The following MPDZ variants were observed in gnomAD, a reference collection of about 807,000 sequenced individuals.
MPDZ encodes the protein multiple PDZ domain protein.
A neutral mutation model predicts 239.1 loss-of-function variants in MPDZ; 234 were observed. That is an observed-to-expected ratio of 0.98 (90% CI 0.88 to 1.09). The LOEUF (loss-of-function observed/expected upper bound fraction) is 1.09. Ranked by LOEUF, MPDZ falls within the 50% of genes least tolerant of loss-of-function variation. The pLI is 0.00. For missense variants in MPDZ, 3,175 were observed against 2,510.0 expected (o/e 1.26, Z -5.66); for synonymous variants, 1,048 against 881.3 (o/e 1.19, Z -3.35).
chr9:13,123,250 G>C lies in MPDZ; in HGVS notation c.4856C>G (p.Thr1619Ser), dbSNP rs752274572. 3 of 1,613,408 alleles carry C rather than the reference G, an allele frequency of 1.9e-6. No homozygotes were observed. The highest frequency in any genetic ancestry group is 2.5e-6 in the Non-Finnish European group (3 of 1,179,700). The change falls in exon 36 of 47, where the codon ACC becomes AGC. Residue 1619 changes from threonine to serine, a missense_variant. Transcript: ENST00000319217. Reference sequence around the variant, plus strand: ...TTCGCAGCCAGGGATAATGGGGCAGGTTGCAGGATCAGAAGCAAAAATTGC... The same window carrying C: ...TTCGCAGCCAGGGATAATGGGGCAGCTTGCAGGATCAGAAGCAAAAATTGC... The part of the protein sequence containing the change: ...TPAIFASDPA[T>S]CPIIPGCETT...
intron 32 of MPDZ, among the ~76,000 whole-genome samples, chr9:13,133,491 T>G (rs1946303288): frequency 6.6e-6 from 1 of 152,220 alleles, no homozygotes; most frequent in Admixed American, 6.5e-5. Context: ...TAGCAGGACC[T>G]TAGTGAAGGA....
At position 13,154,911 on chromosome 9, in the gene MPDZ, G is replaced by C. The variant is rs554128571; in HGVS notation, c.3452+3107C>G. Among the ~76,000 whole-genome samples the C allele has an allele frequency of 2.6e-5, 4 of 152,174 alleles. No homozygotes were observed. The East Asian group carries it at 7.7e-4, about 29-fold the overall frequency. ...GGGAAAAGGGAACATTCATATATTG[G>C]AAATAGAAATAAAAATTGGTATAGC... On this transcript the variant is annotated intron_variant, in intron 24 of 46. Transcript: ENST00000319217.
chr9:13,244,317 T>C (rs1211193121), intron 3 of MPDZ, among the ~76,000 whole-genome samples: 2 of 152,194 alleles, frequency 1.3e-5, no homozygotes, highest in African/African-American at 2.4e-5. Flanking sequence ...AGCTGGATTT[T>C]TGTCATGAAT....
chr9:13,143,928 AACC>A (rs1392151063), intron 26 of MPDZ, among the ~76,000 whole-genome samples: 1 of 152,122 alleles, frequency 6.6e-6, no homozygotes, highest in Non-Finnish European at 1.5e-5. Flanking sequence ...TCAAAATTAA[AACC>A]ACAAAATTTT....
rs765250481 is a variant in MPDZ, at chr9:13,143,479, A to G, written c.3827T>C (p.Ile1276Thr). 2 of 1,612,372 alleles carry G rather than the reference A, an allele frequency of 1.2e-6. No homozygotes were observed. The highest frequency in any genetic ancestry group is 1.7e-5 in the Admixed American group (1 of 59,952). Residue 1276 changes from isoleucine to threonine, a missense_variant, in exon 27 of 47, where the codon ATC becomes ACC. Coordinates refer to ENST00000319217, the MANE Select transcript of MPDZ (RefSeq NM_001378778.1). ...GCATTATCCAACCTTGTCGGCGTTGATTTGTAGAGAGTCAGCAAATGGGTT... is the reference window on the plus strand; with the variant it reads ...GCATTATCCAACCTTGTCGGCGTTGGTTTGTAGAGAGTCAGCAAATGGGTT... ...STNPFADSLQ[I>T]NADKAPSQSE...
chr9:13,117,908 G>A (rs985197151), intron 39 of MPDZ, among the ~76,000 whole-genome samples: 2 of 147,696 alleles, frequency 1.4e-5, no homozygotes, highest in East Asian at 2.0e-4. Context: ...GCAATGATGC[G>A]ATCTCGGCTT....
intron 1 of MPDZ, among the ~76,000 whole-genome samples, chr9:13,254,452 A>C (rs1191689064): frequency 1.3e-5 from 2 of 152,230 alleles, no homozygotes; most frequent in Non-Finnish European, 1.5e-5. Context: ...AAAGAGAATT[A>C]AGAATACACA....
intron 10 of MPDZ, among the ~76,000 whole-genome samples, chr9:13,206,827 C>A (rs909820904): frequency 2.3e-4 from 35 of 152,114 alleles, no homozygotes; most frequent in Non-Finnish European, 1.5e-5. Context: ...CAGGCGTGAG[C>A]CACTGCACCC....
chr9:13,242,301 C>A (rs13296123), intron 3 of MPDZ, among the ~76,000 whole-genome samples: 15,097 of 144,854 alleles, frequency 0.1, 983 homozygotes, highest in Non-Finnish European at 0.13. Flanking sequence ...TCTGGGCTCA[C>A]CACAACCTCC....
chr9:13,108,447 T>C (rs1941852496), intron 46 of MPDZ, among the ~76,000 whole-genome samples: 1 of 152,114 alleles, frequency 6.6e-6, no homozygotes, highest in African/African-American at 2.4e-5. Context: ...ACTCCCTACA[T>C]TTTTTCAGTA....
intron 43 of MPDZ, 123 bp downstream of exon 43, chr9:13,111,901 A>T: frequency 1.1e-6 from 1 of 891,040 alleles, no homozygotes; most frequent in Non-Finnish European, 1.6e-6. Flanking sequence ...TGGTTGGATT[A>T]GATGATTTAA....
chr9:13,253,877 T>A (rs879309574), intron 1 of MPDZ, among the ~76,000 whole-genome samples: 1 of 152,178 alleles, frequency 6.6e-6, no homozygotes, highest in Non-Finnish European at 1.5e-5. Context: ...ATTCAAATCA[T>A]GCTTCCAATT....
intron 15 of MPDZ, among the ~76,000 whole-genome samples, chr9:13,191,825 T>C (rs1371311685): frequency 6.6e-6 from 1 of 152,164 alleles, no homozygotes; most frequent in African/African-American, 2.4e-5. Context: ...ATAGTATGCA[T>C]TAACATCTAA....
rs1244853628 is a variant in MPDZ at position 13,165,486 on chromosome 9, A to T, written c.3255-2691T>A. On this transcript the variant is annotated intron_variant, in intron 22 of 46. Coordinates refer to ENST00000319217, the MANE Select transcript of MPDZ (RefSeq NM_001378778.1). ...GTCAATGTCTTGTGCTGAATGTGAG[A>T]TGCATACATATGTAGTTAAAAGTGG... 3.3e-6 allele frequency: 5 copies of T among 1,509,688 alleles called. No homozygotes were observed. The East Asian group carries it at 1.2e-4, about 37-fold the overall frequency. 93.5% of individuals were successfully genotyped at this position (1,509,688 alleles called of 1,614,324 possible).
chr9:13,151,017 G>A (rs916187767), intron 24 of MPDZ, among the ~76,000 whole-genome samples: 3 of 151,924 alleles, frequency 2.0e-5, no homozygotes, highest in Non-Finnish European at 4.4e-5. Flanking sequence ...GTGTCTTGAA[G>A]ATACATAAAT....
At chr9:13,248,218 A>G (rs1243448254) in intron 2 of MPDZ, among the ~76,000 whole-genome samples, 2 of 144,966 alleles carry the variant, frequency 1.4e-5, no homozygotes. Flanking sequence ...ACAGAGTGAG[A>G]CTCCATCTCA....
intron 21 of MPDZ, among the ~76,000 whole-genome samples, chr9:13,171,998 A>T (rs1951837604): frequency 6.6e-6 from 1 of 152,196 alleles, no homozygotes; most frequent in Admixed American, 6.5e-5. Flanking sequence ...ACTTTAAGTT[A>T]TACAGCCAAA....
intron 10 of MPDZ, among the ~76,000 whole-genome samples, chr9:13,212,513 C>A (rs565003961): frequency 1.3e-5 from 2 of 151,986 alleles, no homozygotes; most frequent in Non-Finnish European, 2.9e-5. Context: ...ACCCATGCTA[C>A]ATATGAGCCA....
chr9:13,132,998 T>C (rs138192725), intron 32 of MPDZ, among the ~76,000 whole-genome samples: 1 of 152,312 alleles, frequency 6.6e-6, no homozygotes, highest in African/African-American at 2.4e-5. Context: ...TGAAAGGATA[T>C]TTAAAAATTA....
Sources: gnomAD v4.1 joint callset for allele counts (sites outside exome capture counted in the v4.1 genomes callset) on GRCh38, gnomAD v4.1.1 for gene constraint, MANE v1.5 for transcripts, NCBI Gene and HGNC (gene_info 2026-07-23, HGNC 2026-07-21) for gene names.